The following AFAP1L1 variants were observed in gnomAD, a reference collection of about 807,000 sequenced individuals.
AFAP1L1 encodes actin filament associated protein 1 like 1, also known as actin filament-associated protein 1-like 1.
Under a neutral mutation model 99.8 loss-of-function variants are expected in AFAP1L1, and 77 were observed. The observed-to-expected ratio is 0.77, with a 90% CI of 0.64 to 0.93. The LOEUF (loss-of-function observed/expected upper bound fraction) is 0.93. Among genes scored for constraint, AFAP1L1 ranks in the 40% least tolerant of loss-of-function variants. AFAP1L1 has a pLI of 0.00. For missense variants in AFAP1L1, 893 were observed against 996.8 expected, an observed-to-expected ratio of 0.90 and a Z score of 1.40; for synonymous variants, 373 against 395.3, an observed-to-expected ratio of 0.94 and a Z score of 0.67.
Position 149,342,721 on chromosome 5 carries a change from G to A in AFAP1L1, c.*2691G>A, listed in dbSNP as rs1581353811. On this transcript the variant is annotated 3_prime_UTR_variant, in exon 19 of 19. Transcript: ENST00000296721. Reference sequence around the variant, plus strand: ...GAGGTCAGGAGTTCAAGACCAGCCTGGCCAACATGGCAAAACCCCATCTCT... The same window carrying A: ...GAGGTCAGGAGTTCAAGACCAGCCTAGCCAACATGGCAAAACCCCATCTCT... Among the ~76,000 whole-genome samples, 1 of 152,188 alleles carries A rather than the reference G, an allele frequency of 6.6e-6. No homozygotes were observed. Among genetic ancestry groups the A allele is most frequent in the African/African-American group, 2.4e-5 (1 of 41,444 alleles).
At chr5:149,310,315 G>A (rs1217753001) in intron 8 of AFAP1L1, among the ~76,000 whole-genome samples, 180 bp downstream of exon 8, 3 of 152,262 alleles carry the variant, frequency 2.0e-5, no homozygotes, top group Admixed American at 1.3e-4. Context: ...CCAAGAGGCA[G>A]ACTTCATGCT....
intron 1 of AFAP1L1, among the ~76,000 whole-genome samples, chr5:149,293,030 G>T (rs149206095): frequency 2.0e-3 from 311 of 152,290 alleles, no homozygotes; most frequent in African/African-American, 6.9e-3. Context: ...TCAGTGTCAG[G>T]GCCAGAGCCA....
chr5:149,340,070 T>C lies in AFAP1L1; in HGVS notation c.*40T>C, dbSNP rs756485306. 5 of 1,612,200 alleles carry C rather than the reference T, an allele frequency of 3.1e-6. No individual in the cohort carries two copies. The highest frequency in any genetic ancestry group is 4.2e-6 in the Non-Finnish European group (5 of 1,178,534). On this transcript the variant is annotated 3_prime_UTR_variant, in exon 19 of 19. Coordinates refer to ENST00000296721, the MANE Select transcript of AFAP1L1 (RefSeq NM_152406.4). ...TTTCATTCCAAAGGAAATACCAGCTTGTCCACCTGAGGAAGAAATGCTTTT... is the reference window on the plus strand; with the variant it reads ...TTTCATTCCAAAGGAAATACCAGCTCGTCCACCTGAGGAAGAAATGCTTTT...
chr5:149,302,490 G>C lies in AFAP1L1; in HGVS notation c.400G>C (p.Gly134Arg). The C allele has an allele frequency of 6.3e-7, 1 of 1,593,022 alleles. No individual in the cohort carries two copies. Reference protein sequence around the residue: ...EDYYEEALPLGPGKSPEYISS... With the variant: ...EDYYEEALPLRPGKSPEYISS... ...CTACTATGAAGAGGCCCTTCCTCTGGGACCCGGCAAGTCGCCTGAGTACAT... is the reference window on the plus strand; with the variant it reads ...CTACTATGAAGAGGCCCTTCCTCTGCGACCCGGCAAGTCGCCTGAGTACAT... The change falls in exon 5 of 19, where the codon GGA becomes CGA. Residue 134 changes from glycine (G) to arginine (R), a missense_variant. Physicochemically the swap from Gly to Arg is moderately radical, Grantham distance 125. Coordinates refer to ENST00000296721, the MANE Select transcript of AFAP1L1 (RefSeq NM_152406.4).
intron 16 of AFAP1L1, among the ~76,000 whole-genome samples, chr5:149,330,664 G>T (rs1426622285): frequency 3.3e-5 from 5 of 152,190 alleles, no homozygotes; most frequent in Admixed American, 3.3e-4. Flanking sequence ...GCACAGGAAG[G>T]CAGTTTGGTT....
chr5:149,292,588 T>C (rs1755891952), intron 1 of AFAP1L1, among the ~76,000 whole-genome samples: 1 of 152,214 alleles, frequency 6.6e-6, no homozygotes, highest in African/African-American at 2.4e-5. Flanking sequence ...AGAATAATTA[T>C]CCTTCATCTT....
At chr5:149,309,886 T>C (rs1756560796) in intron 7 of AFAP1L1, 70 bp from the exon 8 acceptor site, 2 of 1,604,426 alleles carry the variant, frequency 1.2e-6, no homozygotes, top group Admixed American at 3.3e-5. Context: ...CCCCGAGCCT[T>C]TGTGTGAGGA....
Position 149,301,237 on chromosome 5 carries a change from C to A in AFAP1L1, c.327+7C>A. The A allele has an allele frequency of 6.2e-7, 1 of 1,613,372 alleles. No homozygotes were observed. Among genetic ancestry groups the A allele is most frequent in the South Asian group, 1.1e-5 (1 of 91,038 alleles). On this transcript the variant is annotated splice_region_variant and intron_variant, in intron 4 of 18. Transcript: ENST00000296721. ...GAGCCCACGCCTGAGAAACGTGAGT[C>A]ATGGCCTGGGTTCCCACACCTCAGG...
In AFAP1L1 at chr5:149,341,700, T is replaced by G. The variant is rs1038014244; in HGVS notation, c.*1670T>G. The G allele has an allele frequency of 2.6e-5, 4 of 152,024 alleles. No homozygotes were observed. The highest frequency in any genetic ancestry group is 1.9e-4 in the East Asian group (1 of 5,172). 9.4% of individuals were successfully genotyped at this position (152,024 alleles called of 1,614,324 possible). A position where few individuals can be genotyped will look rare whatever the true frequency, so the allele number is the denominator to read the frequency against. On this transcript the variant is annotated 3_prime_UTR_variant, in exon 19 of 19. Transcript: ENST00000296721. ...TGAGCCCAGGAGTTTGAGACTGTAG[T>G]GCACTATGATCACGCCTGTGAATTG...
At position 149,320,352 on chromosome 5, in the gene AFAP1L1, ATT is replaced by A; in HGVS notation, c.1626-38_1626-37del. The A allele has an allele frequency of 6.3e-7, 1 of 1,588,720 alleles. No individual in the cohort carries two copies. The highest frequency in any genetic ancestry group is 8.6e-7 in the Non-Finnish European group (1 of 1,159,574). ...AAAGCACTGTAAGCTGCAAAGCATCATTGTCATTGTCATTGTCATCGTACATT... is the reference window on the plus strand; with the variant it reads ...AAAGCACTGTAAGCTGCAAAGCATCAGTCATTGTCATTGTCATCGTACATT... On this transcript the variant is annotated intron_variant, in intron 13 of 18. Transcript: ENST00000296721. The surrounding 1 kb of genome is among the most constrained non-coding windows in gnomAD (Gnocchi z 4.0).
chr5:149,286,214 C>T (rs1755674636), intron 1 of AFAP1L1, among the ~76,000 whole-genome samples: 1 of 152,138 alleles, frequency 6.6e-6, no homozygotes, highest in Non-Finnish European at 1.5e-5. Context: ...CTTTATGTAA[C>T]ACCTCACTGG....
intron 1 of AFAP1L1, among the ~76,000 whole-genome samples, chr5:149,279,289 C>T (rs1755441043): frequency 6.6e-6 from 1 of 152,162 alleles, no homozygotes; most frequent in Admixed American, 6.5e-5. Flanking sequence ...AAGAACTGTT[C>T]AATGGTAGAA....
In AFAP1L1 at chr5:149,319,529, C is replaced by T. The variant is rs926765008; in HGVS notation, c.1480-53C>T. 2.6e-6 allele frequency: 4 copies of T among 1,550,196 alleles called. No homozygotes were observed. In the African/African-American group the frequency reaches 4.1e-5, roughly 16 times the overall value. On this transcript the variant is annotated intron_variant, in intron 12 of 18. Coordinates refer to ENST00000296721, the MANE Select transcript of AFAP1L1 (RefSeq NM_152406.4). ...GGTTTGGCTGAAGTCAACAGGTCTCCAGGAGCCCTGACAGTAGGAAAATGA... is the reference window on the plus strand; with the variant it reads ...GGTTTGGCTGAAGTCAACAGGTCTCTAGGAGCCCTGACAGTAGGAAAATGA...
chr5:149,288,240 G>A (rs934111028), intron 1 of AFAP1L1, among the ~76,000 whole-genome samples: 3 of 152,184 alleles, frequency 2.0e-5, no homozygotes, highest in Non-Finnish European at 4.4e-5. Context: ...CTAGTGCTGC[G>A]ATTGAAAGCT....
chr5:149,317,789 A>G lies in AFAP1L1; in HGVS notation c.1328A>G (p.Asn443Ser), dbSNP rs144767683. 6 of 1,613,944 alleles carry G rather than the reference A, an allele frequency of 3.7e-6. No individual in the cohort carries two copies. The highest frequency in any genetic ancestry group is 1.6e-4 in the Middle Eastern group (1 of 6,084). Residue 443 changes from asparagine to serine, a missense_variant, in exon 12 of 19, where the codon AAC becomes AGC. Coordinates refer to ENST00000296721, the MANE Select transcript of AFAP1L1 (RefSeq NM_152406.4). Reference protein sequence around the residue: ...WKERWCRLKCNTLYFHKDHMD... With the variant: ...WKERWCRLKCSTLYFHKDHMD... Reference sequence around the variant, plus strand: ...GAACGCTGGTGCCGCCTGAAGTGCAACACTCTGTATTTCCACAAGGATCAC... The same window carrying G: ...GAACGCTGGTGCCGCCTGAAGTGCAGCACTCTGTATTTCCACAAGGATCAC...
intron 1 of AFAP1L1, among the ~76,000 whole-genome samples, chr5:149,287,754 T>G (rs1464926540): frequency 4.4e-5 from 6 of 135,676 alleles, no homozygotes; most frequent in Admixed American, 2.8e-4. Context: ...TTTTTGGTGT[T>G]TTTTTTTTTT....
At chr5:149,316,943 TCA>T (rs1756814974) in intron 11 of AFAP1L1, among the ~76,000 whole-genome samples, 1 of 151,864 alleles carries the variant, frequency 6.6e-6, no homozygotes, top group Admixed American at 6.6e-5. Context: ...GGAGGGAGGA[TCA>T]CTTGAGCCCT....
At position 149,297,441 on chromosome 5, in the gene AFAP1L1, G is replaced by GA. The variant is rs147290968; in HGVS notation, c.17-2060dup. On this transcript the variant is annotated intron_variant, in intron 1 of 18. Coordinates refer to ENST00000296721, the MANE Select transcript of AFAP1L1 (RefSeq NM_152406.4). ...TGCCACAGCCTCAGCGTCATCTTCT[G>GA]AAAAAAAAGGCATCCCAATAGGACT... 8.7e-3 allele frequency among the ~76,000 whole-genome samples: 1,320 copies of GA among 151,844 alleles called. 31 individuals are homozygous for GA. Among genetic ancestry groups the GA allele is most frequent in the African/African-American group, 0.03 (1,237 of 41,396 alleles).
At chr5:149,313,595 CAT>C (rs34210511) in intron 9 of AFAP1L1, among the ~76,000 whole-genome samples, 8,553 of 152,272 alleles carry the variant, frequency 0.056, 579 homozygotes, top group African/African-American at 0.16. Context: ...CTGCTTGACA[CAT>C]ATCCGGGGCA....
Sources: allele counts gnomAD v4.1 joint callset (sites outside exome capture counted in the v4.1 genomes callset), GRCh38; gene constraint gnomAD v4.1.1; non-coding constraint Gnocchi (gnomAD v3.1); transcripts MANE v1.5; gene names NCBI Gene and HGNC (gene_info 2026-07-23, HGNC 2026-07-21).